The following NCAPH variants were observed in gnomAD, a reference collection of about 807,000 sequenced individuals.
The protein encoded by NCAPH is condensin complex subunit 2.
NCAPH carries 38 observed loss-of-function variants against 85.5 expected under a neutral mutation model. The observed-to-expected ratio is 0.44, with a 90% CI of 0.34 to 0.58. The LOEUF (loss-of-function observed/expected upper bound fraction) is 0.58, where lower values mean the gene tolerates loss of function less well. NCAPH is among the 20% of genes least tolerant of loss of function. NCAPH has a pLI of 0.01. For synonymous variants in NCAPH, 301 were observed against 335.1 expected (o/e 0.90, Z 1.11); for missense variants, 789 against 916.6 (o/e 0.86, Z 1.80).
chr2:96,361,822 ATATATATTTT>A (rs1414018502), intron 12 of NCAPH, among the ~76,000 whole-genome samples: 1 of 109,812 alleles, frequency 9.1e-6, no homozygotes, highest in East Asian at 2.3e-4. Flanking sequence ...ATATATATAT[ATATATATTTT>A]TTTTTTTTTT....
chr2:96,374,212 CAG>C lies in NCAPH; in HGVS notation c.*862_*863del, dbSNP rs2064808046. Reference sequence around the variant, plus strand: ...TGCAAAAGGGCAGCCGGCAAACTGTCAGGGGTGGCCTGAGCCTGGCAATCTGC... The same window carrying C: ...TGCAAAAGGGCAGCCGGCAAACTGTCGGGTGGCCTGAGCCTGGCAATCTGC... On this transcript the variant is annotated 3_prime_UTR_variant, in exon 18 of 18. Coordinates refer to ENST00000240423, the MANE Select transcript of NCAPH (RefSeq NM_015341.5). Among the ~76,000 whole-genome samples, 2 of 152,218 alleles carry C rather than the reference CAG, an allele frequency of 1.3e-5. No individual in the cohort carries two copies. The highest frequency in any genetic ancestry group is 1.3e-4 in the Admixed American group (2 of 15,282).
intron 6 of NCAPH, among the ~76,000 whole-genome samples, chr2:96,350,752 G>C (rs1296120768): frequency 6.6e-6 from 1 of 152,208 alleles, no homozygotes; most frequent in African/African-American, 2.4e-5. Context: ...AAGGGGACCA[G>C]GGAAGAGCCA....
At chr2:96,351,775 A>G in intron 6 of NCAPH, 56 bp from the exon 7 acceptor site, 1 of 1,459,914 alleles carries the variant, frequency 6.8e-7, no homozygotes. Flanking sequence ...ATGAGAATTT[A>G]TCTTTCCCTT....
intron 9 of NCAPH, 94 bp downstream of exon 9, chr2:96,354,482 C>CTT: frequency 1.8e-6 from 2 of 1,098,518 alleles, no homozygotes; most frequent in African/African-American, 1.7e-5. Flanking sequence ...ATTTTTCTTT[C>CTT]TTTTTTTTTC....
At chr2:96,344,282 C>A in intron 6 of NCAPH, 53 bp downstream of exon 6, 1 of 1,542,042 alleles carries the variant, frequency 6.5e-7, no homozygotes, top group Admixed American at 2.2e-5. Flanking sequence ...ACCTTAGGGG[C>A]TGAGACTTGG....
At position 96,342,738 on chromosome 2, in the gene NCAPH, G is replaced by A. The variant is rs1338476293; in HGVS notation, c.364-18G>A. ...TAGGCTATAAATAACAATCCTTTCTGCAATTTTCTGTTTTCAGAAAATCAC... is the reference window on the plus strand; with the variant it reads ...TAGGCTATAAATAACAATCCTTTCTACAATTTTCTGTTTTCAGAAAATCAC... On this transcript the variant is annotated intron_variant, in intron 3 of 17. Coordinates refer to ENST00000240423, the MANE Select transcript of NCAPH (RefSeq NM_015341.5). 1 of 1,587,674 alleles carries A rather than the reference G, an allele frequency of 6.3e-7. No homozygotes were observed. Among genetic ancestry groups the A allele is most frequent in the Admixed American group, 1.7e-5 (1 of 59,506 alleles).
chr2:96,352,117 T>G (rs1475686490), intron 7 of NCAPH, 97 bp downstream of exon 7: 2 of 1,259,546 alleles, frequency 1.6e-6, no homozygotes. Context: ...GCTCTTATGT[T>G]GCTTAAATTA....
chr2:96,371,609 C>G (rs2064774016), intron 17 of NCAPH, among the ~76,000 whole-genome samples: 1 of 152,126 alleles, frequency 6.6e-6, no homozygotes, highest in South Asian at 2.1e-4. Flanking sequence ...TTTAAGGGTC[C>G]CAGAGCTCTT....
chr2:96,366,761 C>A (rs2064705351), intron 14 of NCAPH, among the ~76,000 whole-genome samples: 1 of 151,316 alleles, frequency 6.6e-6, no homozygotes. Context: ...CCTGTAATCC[C>A]AGCTATTCTA....
intron 9 of NCAPH, among the ~76,000 whole-genome samples, chr2:96,358,376 C>T (rs892157041): frequency 6.6e-6 from 1 of 152,186 alleles, no homozygotes; most frequent in Non-Finnish European, 1.5e-5. Flanking sequence ...TGGCAAGAAG[C>T]ATGTGTGTGG....
At chr2:96,341,446 C>A in intron 1 of NCAPH, 196 bp from the exon 2 acceptor site, 2 of 609,624 alleles carry the variant, frequency 3.3e-6, no homozygotes, top group East Asian at 2.8e-5. Flanking sequence ...AACAAAGAAG[C>A]ATCAGAAACC....
At chr2:96,358,711 G>A (rs777143600) in intron 9 of NCAPH, among the ~76,000 whole-genome samples, 7 of 152,064 alleles carry the variant, frequency 4.6e-5, no homozygotes, top group South Asian at 4.1e-4. Context: ...CTTGTGATCC[G>A]CCCGCCTTGG....
intron 6 of NCAPH, among the ~76,000 whole-genome samples, chr2:96,349,729 C>T (rs1157265334): frequency 6.6e-6 from 1 of 152,166 alleles, no homozygotes; most frequent in African/African-American, 2.4e-5. Flanking sequence ...GTTGAGAGCA[C>T]TTCTTTATAT....
intron 1 of NCAPH, among the ~76,000 whole-genome samples, chr2:96,339,167 C>T (rs1437322001): frequency 6.6e-6 from 1 of 152,206 alleles, no homozygotes. Context: ...CCATAGAAAA[C>T]TAATACAGTC....
chr2:96,348,225 C>T (rs1252343931), intron 6 of NCAPH, among the ~76,000 whole-genome samples: 3 of 149,320 alleles, frequency 2.0e-5, no homozygotes, highest in South Asian at 2.1e-4. Context: ...AGTCTTGCTC[C>T]GTCGCCCAGG....
chr2:96,351,725 A>T (rs2064445587), intron 6 of NCAPH, 106 bp from the exon 7 acceptor site: 2 of 822,928 alleles, frequency 2.4e-6, no homozygotes, highest in Non-Finnish European at 3.5e-6. Context: ...GAGATATTTC[A>T]GTCCAGTGTA....
chr2:96,353,550 G>A, intron 8 of NCAPH, 153 bp downstream of exon 8: 1 of 693,598 alleles, frequency 1.4e-6, no homozygotes, highest in South Asian at 1.8e-5. Context: ...AACCCTGAGG[G>A]AGGAGGGTAG....
At chr2:96,363,867 A>G (rs1363971839) in intron 12 of NCAPH, among the ~76,000 whole-genome samples, 1 of 151,952 alleles carries the variant, frequency 6.6e-6, no homozygotes, top group Non-Finnish European at 1.5e-5. Context: ...GCTGGAGTGC[A>G]GTGGTATGAG....
intron 15 of NCAPH, among the ~76,000 whole-genome samples, 165 bp downstream of exon 15, chr2:96,367,538 T>G (rs2064717418): frequency 6.6e-6 from 1 of 152,136 alleles, no homozygotes; most frequent in African/African-American, 2.4e-5. Context: ...ATCCCAGCAT[T>G]TTGGGAGGCT....
Sources: allele counts gnomAD v4.1 joint callset (sites outside exome capture counted in the v4.1 genomes callset), GRCh38; gene constraint gnomAD v4.1.1; transcripts MANE v1.5; gene names NCBI Gene and HGNC (gene_info 2026-07-23, HGNC 2026-07-21).